Variants in WWOX observed in about 807,000 individuals in gnomAD.
The protein encoded by WWOX is WW domain-containing oxidoreductase.
A neutral mutation model predicts 46.2 loss-of-function variants in WWOX; 69 were observed. The observed-to-expected ratio is 1.49, with a 90% CI of 1.23 to 1.82. The LOEUF is 1.82. WWOX is among the 40% of genes most tolerant of loss of function. The pLI is 0.00. For synonymous variants in WWOX, 359 were observed against 202.6 expected, an observed-to-expected ratio of 1.77 and a Z score of -6.56; for missense variants, 919 against 542.6, an observed-to-expected ratio of 1.69 and a Z score of -6.89.
intron 8 of WWOX, among the ~76,000 whole-genome samples, chr16:79,141,963 G>T (rs532724077): frequency 6.6e-6 from 1 of 152,332 alleles, no homozygotes; most frequent in Admixed American, 6.5e-5. Context: ...AGCCCGTCTA[G>T]CAGGGAGGAG....
intron 8 of WWOX, among the ~76,000 whole-genome samples, chr16:79,060,354 C>G (rs1597336368): frequency 6.6e-6 from 1 of 152,218 alleles, no homozygotes; most frequent in African/African-American, 2.4e-5. Context: ...TCCAGTGAGG[C>G]TTTTGGCCAC....
chr16:78,879,135 C>T (rs1031742437), intron 8 of WWOX, among the ~76,000 whole-genome samples: 1 of 151,998 alleles, frequency 6.6e-6, no homozygotes, highest in East Asian at 1.9e-4. Flanking sequence ...CTTGTTAAGG[C>T]AGAAAAACGC....
Position 78,805,773 on chromosome 16 carries a change from T to A in WWOX, c.1056+373021T>A, listed in dbSNP as rs551830178. Among the ~76,000 whole-genome samples the A allele has an allele frequency of 2.6e-4, 40 of 152,318 alleles. No homozygotes were observed. The South Asian group carries it at 7.7e-3, about 29-fold the overall frequency. On this transcript the variant is annotated intron_variant, in intron 8 of 8. Transcript: ENST00000566780. ...TTATACGGCTATATCTCCATAGATA[T>A]CCAGTTTTTGTTTTGTTTTTGTTTC...
At chr16:78,994,834 T>G (rs2151353292) in intron 8 of WWOX, among the ~76,000 whole-genome samples, 1 of 152,162 alleles carries the variant, frequency 6.6e-6, no homozygotes, top group East Asian at 1.9e-4. Flanking sequence ...GCCGTTGCAC[T>G]AGGGCTCTTT....
At chr16:78,640,704 C>T (rs575889905) in intron 8 of WWOX, among the ~76,000 whole-genome samples, 6 of 152,122 alleles carry the variant, frequency 3.9e-5, no homozygotes, top group South Asian at 2.1e-4. Context: ...TTTGGGAGGT[C>T]GAGGCAGGCA....
chr16:78,559,036 A>T (rs1160092126), intron 8 of WWOX, among the ~76,000 whole-genome samples: 2 of 152,166 alleles, frequency 1.3e-5, no homozygotes, highest in African/African-American at 4.8e-5. Context: ...TCCACACAAG[A>T]TCTGGCCGCT....
In WWOX at chr16:78,565,614, G is replaced by T. The variant is rs192752668; in HGVS notation, c.1056+132862G>T. ...CTCAGGGTCCTTAATCACATCTTCA[G>T]AGTCCCCTTTGCCATGGCTGATGAC... On this transcript the variant is annotated intron_variant, in intron 8 of 8. Transcript: ENST00000566780. Among the ~76,000 whole-genome samples the T allele has an allele frequency of 4.7e-3, 709 of 152,280 alleles. 9 individuals are homozygous for T. Among genetic ancestry groups the T allele is most frequent in the African/African-American group, 0.017 (691 of 41,560 alleles).
intron 8 of WWOX, among the ~76,000 whole-genome samples, chr16:78,694,672 C>T (rs1471494889): frequency 2.0e-5 from 3 of 152,212 alleles, no homozygotes; most frequent in African/African-American, 7.2e-5. Context: ...ACATGGCCTT[C>T]TAGACCATGA....
intron 8 of WWOX, among the ~76,000 whole-genome samples, chr16:78,483,676 C>G (rs1343341397): frequency 6.6e-6 from 1 of 152,064 alleles, no homozygotes; most frequent in African/African-American, 2.4e-5. Flanking sequence ...GCTGCTGTTA[C>G]TTACTCAATA....
At chr16:79,152,294 G>A (rs1239117099) in intron 8 of WWOX, among the ~76,000 whole-genome samples, 1 of 152,166 alleles carries the variant, frequency 6.6e-6, no homozygotes, top group Non-Finnish European at 1.5e-5. Context: ...GATGGGGAAT[G>A]CAGGTGGAAC....
intron 8 of WWOX, among the ~76,000 whole-genome samples, chr16:78,840,462 T>G (rs570022211): frequency 1.3e-5 from 2 of 152,282 alleles, no homozygotes; most frequent in East Asian, 3.9e-4. Context: ...AGAGGAGCGA[T>G]GGCATGGCAT....
chr16:78,947,698 A>G (rs2045976585), intron 8 of WWOX, among the ~76,000 whole-genome samples: 1 of 152,216 alleles, frequency 6.6e-6, no homozygotes, highest in Admixed American at 6.5e-5. Flanking sequence ...TTGTCCCCTC[A>G]CTTAGCCCCT....
Position 78,533,136 on chromosome 16 carries a change from C to A in WWOX, c.1056+100384C>A, listed in dbSNP as rs746838284. Among the ~76,000 whole-genome samples the A allele has an allele frequency of 1.2e-4, 18 of 152,102 alleles. No individual in the cohort carries two copies. In the Middle Eastern group the frequency reaches 0.014, roughly 115 times the overall value. On this transcript the variant is annotated intron_variant, in intron 8 of 8. Coordinates refer to ENST00000566780, the MANE Select transcript of WWOX (RefSeq NM_016373.4). ...CTCCCAGTGCCTCTCAATGGCTAAA[C>A]CAACCAAAGGTTGGAGCTCAAGGAA...
chr16:78,180,094 A>G (rs972003568), intron 5 of WWOX, among the ~76,000 whole-genome samples: 3 of 152,182 alleles, frequency 2.0e-5, no homozygotes, highest in East Asian at 1.9e-4. Context: ...AGTCTCCCCA[A>G]TTCATCATCT....
chr16:79,034,069 C>T (rs944896632), intron 8 of WWOX, among the ~76,000 whole-genome samples: 3 of 152,154 alleles, frequency 2.0e-5, no homozygotes, highest in Non-Finnish European at 2.9e-5. Flanking sequence ...CCCACGTGGT[C>T]TGTGTGGGCT....
At chr16:78,727,737 G>A (rs1420220207) in intron 8 of WWOX, among the ~76,000 whole-genome samples, 1 of 152,094 alleles carries the variant, frequency 6.6e-6, no homozygotes, top group African/African-American at 2.4e-5. Flanking sequence ...TTTGGACTTG[G>A]GGATTGGACT....
intron 8 of WWOX, among the ~76,000 whole-genome samples, chr16:79,180,537 G>A (rs3751831): frequency 6.6e-6 from 1 of 152,144 alleles, no homozygotes; most frequent in African/African-American, 2.4e-5. Flanking sequence ...GTGGGAAGGA[G>A]ATAGGGGCAG....
intron 8 of WWOX, among the ~76,000 whole-genome samples, chr16:78,849,937 T>C (rs2151179274): frequency 6.6e-6 from 1 of 152,174 alleles, no homozygotes; most frequent in Non-Finnish European, 1.5e-5. Context: ...CCGGGTGTGA[T>C]GGCACAGGCC....
intron 5 of WWOX, among the ~76,000 whole-genome samples, chr16:78,236,289 C>T (rs993590405): frequency 2.6e-5 from 4 of 152,192 alleles, no homozygotes; most frequent in Non-Finnish European, 4.4e-5. Context: ...AAAGTCTCAG[C>T]AAATGCTAGT....
Sources: allele counts gnomAD v4.1 joint callset (sites outside exome capture counted in the v4.1 genomes callset), GRCh38; gene constraint gnomAD v4.1.1; transcripts MANE v1.5; gene names NCBI Gene and HGNC (gene_info 2026-07-23, HGNC 2026-07-21).